ALDH1L1: variants seen among roughly 807,000 people sequenced by gnomAD.
ALDH1L1 encodes the protein aldehyde dehydrogenase 1 family member L1, also known as cytosolic 10-formyltetrahydrofolate dehydrogenase.
A neutral mutation model predicts 101.1 loss-of-function variants in ALDH1L1; 68 were observed. The ratio of observed to expected loss-of-function variants is 0.67; its 90% CI spans 0.55 to 0.82. ALDH1L1 has a LOEUF of 0.82. Among genes scored for constraint, ALDH1L1 ranks in the 40% least tolerant of loss-of-function variants. ALDH1L1 has a pLI of 0.00. For missense variants in ALDH1L1, 1,087 were observed against 1,172.7 expected, an observed-to-expected ratio of 0.93 and a Z score of 1.07; for synonymous variants, 486 against 470.8, an observed-to-expected ratio of 1.03 and a Z score of -0.42.
intron 14 of ALDH1L1, 61 bp from the exon 15 acceptor site, chr3:126,125,782 C>T: frequency 2.5e-6 from 3 of 1,192,492 alleles, no homozygotes; most frequent in Non-Finnish European, 2.3e-6. Context: ...AGTGGACCTG[C>T]CAATTCCCTC....
At chr3:126,124,617 C>T (rs1467851288) in intron 15 of ALDH1L1, among the ~76,000 whole-genome samples, 166 bp from the exon 16 acceptor site, 1 of 152,150 alleles carries the variant, frequency 6.6e-6, no homozygotes, top group Non-Finnish European at 1.5e-5. Flanking sequence ...GGGGGCCCTG[C>T]CTGCCCAGCC....
chr3:126,176,101 CA>C (rs1169261350), intron 1 of ALDH1L1, among the ~76,000 whole-genome samples: 1 of 151,940 alleles, frequency 6.6e-6, no homozygotes, highest in Non-Finnish European at 1.5e-5. Context: ...ACATTAGCAC[CA>C]AAAAGTGAAT....
At chr3:126,125,743 C>T (rs1029043842) in intron 14 of ALDH1L1, 22 bp from the exon 15 acceptor site, 1 of 1,489,810 alleles carries the variant, frequency 6.7e-7, no homozygotes, top group Non-Finnish European at 9.0e-7. Flanking sequence ...AAGAGGTTGG[C>T]CTTTGTCCTT....
chr3:126,149,844 ACC>A (rs2080774153), intron 8 of ALDH1L1, among the ~76,000 whole-genome samples: 1 of 152,082 alleles, frequency 6.6e-6, no homozygotes, highest in Admixed American at 6.5e-5. Context: ...TCTTCTCTCC[ACC>A]CAGGGAAGAA....
chr3:126,108,348 T>A (rs1945957279), intron 20 of ALDH1L1, among the ~76,000 whole-genome samples: 1 of 152,214 alleles, frequency 6.6e-6, no homozygotes, highest in Non-Finnish European at 1.5e-5. Context: ...CTGTTCCTTC[T>A]CATACCCCCT....
intron 6 of ALDH1L1, 57 bp downstream of exon 6, chr3:126,154,497 A>G: frequency 2.0e-6 from 3 of 1,533,506 alleles, no homozygotes. Flanking sequence ...TGACAGTTTA[A>G]TGGCCAGTGG....
intron 1 of ALDH1L1, 103 bp from the exon 2 acceptor site, chr3:126,161,105 C>T (rs2081040832): frequency 1.5e-6 from 2 of 1,360,102 alleles, no homozygotes; most frequent in Non-Finnish European, 2.0e-6. Context: ...CTGCTCTACC[C>T]CAGTCCCCTC....
chr3:126,175,091 G>A (rs2081346781), intron 1 of ALDH1L1, among the ~76,000 whole-genome samples: 2 of 151,956 alleles, frequency 1.3e-5, no homozygotes, highest in Admixed American at 6.6e-5. Context: ...GTCATTAAAA[G>A]GATAATAAAA....
intron 20 of ALDH1L1, among the ~76,000 whole-genome samples, chr3:126,109,319 G>A (rs1395696842): frequency 6.6e-6 from 1 of 152,168 alleles, no homozygotes. Context: ...TCAGACAGAG[G>A]GTCCTGGAGC....
At chr3:126,131,037 C>A (rs765799156) in intron 13 of ALDH1L1, among the ~76,000 whole-genome samples, 5 of 152,348 alleles carry the variant, frequency 3.3e-5, no homozygotes, top group African/African-American at 9.6e-5. Flanking sequence ...TGAGCAGGGA[C>A]CTGCAGCCAG....
In ALDH1L1 at chr3:126,134,487, G is replaced by A. The variant is rs185641860; in HGVS notation, c.1472+1048C>T. 7.3e-4 allele frequency among the ~76,000 whole-genome samples: 111 copies of A among 152,326 alleles called. 1 individual carries two copies. Among genetic ancestry groups the A allele is most frequent in the African/African-American group, 2.5e-3 (102 of 41,574 alleles). On this transcript the variant is annotated intron_variant, in intron 12 of 22. Coordinates refer to ENST00000393434, the MANE Select transcript of ALDH1L1 (RefSeq NM_012190.4). ...CCAGGAACTCTAGGGACCACTTGGCGTGGCCAGTGCCTTTCTAGAATTGAG... is the reference window on the plus strand; with the variant it reads ...CCAGGAACTCTAGGGACCACTTGGCATGGCCAGTGCCTTTCTAGAATTGAG...
intron 1 of ALDH1L1, among the ~76,000 whole-genome samples, chr3:126,168,249 A>G (rs2081205941): frequency 6.6e-6 from 1 of 152,136 alleles, no homozygotes; most frequent in African/African-American, 2.4e-5. Flanking sequence ...TGTAAATTAA[A>G]CACTAAAATA....
chr3:126,177,366 A>C (rs1186433508), intron 1 of ALDH1L1, among the ~76,000 whole-genome samples: 1 of 152,244 alleles, frequency 6.6e-6, no homozygotes, highest in African/African-American at 2.4e-5. Flanking sequence ...ACAGAATATT[A>C]GTCAATGATA....
At chr3:126,190,491 T>G (rs2081545975) in intron 1 of ALDH1L1, among the ~76,000 whole-genome samples, 1 of 152,222 alleles carries the variant, frequency 6.6e-6, no homozygotes, top group Non-Finnish European at 1.5e-5. Flanking sequence ...CACTTCACGC[T>G]GAATTTACGT....
intron 19 of ALDH1L1, 131 bp downstream of exon 19, chr3:126,112,651 C>G: frequency 1.2e-6 from 1 of 809,216 alleles, no homozygotes; most frequent in Non-Finnish European, 2.0e-6. Flanking sequence ...CCCTGACCCC[C>G]GGGGGGAGTG....
intron 1 of ALDH1L1, among the ~76,000 whole-genome samples, chr3:126,164,503 C>T (rs1273650096): frequency 6.6e-6 from 1 of 152,200 alleles, no homozygotes; most frequent in African/African-American, 2.4e-5. Context: ...CCTTAATTCA[C>T]TTAGGATTAC....
chr3:126,168,393 A>G (rs1169256144), intron 1 of ALDH1L1, among the ~76,000 whole-genome samples: 1 of 152,162 alleles, frequency 6.6e-6, no homozygotes, highest in Non-Finnish European at 1.5e-5. Flanking sequence ...ATAAGGTTTC[A>G]TTAAAATTAA....
chr3:126,168,793 G>A (rs990923657), intron 1 of ALDH1L1, among the ~76,000 whole-genome samples: 1 of 152,008 alleles, frequency 6.6e-6, no homozygotes, highest in Non-Finnish European at 1.5e-5. Context: ...ACTAACATAT[G>A]TTCCAAAACT....
intron 6 of ALDH1L1, among the ~76,000 whole-genome samples, chr3:126,153,843 C>T (rs114152590): frequency 0.012 from 1,868 of 152,340 alleles, 39 homozygotes; most frequent in African/African-American, 0.043. Context: ...GGCCCATGGC[C>T]TCAGACCTGA....
Sources: allele counts gnomAD v4.1 joint callset (sites outside exome capture counted in the v4.1 genomes callset), GRCh38; gene constraint gnomAD v4.1.1; transcripts MANE v1.5; gene names NCBI Gene and HGNC (gene_info 2026-07-23, HGNC 2026-07-21).